The following LAMA5 variants were observed in gnomAD, a reference collection of about 807,000 sequenced individuals.
The protein encoded by LAMA5 is laminin subunit alpha-5.
A neutral mutation model predicts 433.4 loss-of-function variants in LAMA5; 260 were observed. The ratio of observed to expected loss-of-function variants is 0.60; its 90% CI spans 0.54 to 0.66. LAMA5 has a LOEUF of 0.66. Among genes scored for constraint, LAMA5 ranks in the 30% least tolerant of loss-of-function variants. The pLI, the probability that LAMA5 is intolerant of heterozygous loss-of-function variation, is 0.00. For synonymous variants in LAMA5, 2,620 were observed against 2,226.6 expected (o/e 1.18, Z -4.97); for missense variants, 5,378 against 5,258.5 (o/e 1.02, Z -0.70).
chr20:62,331,056 C>T lies in LAMA5; in HGVS notation c.3626G>A (p.Ser1209Asn), dbSNP rs1292507687. The T allele has an allele frequency of 7.5e-6, 12 of 1,603,074 alleles. No homozygotes were observed. The highest frequency in any genetic ancestry group is 1.7e-5 in the Admixed American group (1 of 58,610). The change falls in exon 29 of 80, where the codon AGC becomes AAC. Residue 1209 changes from serine to asparagine, a missense_variant. By Grantham distance (46) the Ser-to-Asn change is conservative (BLOSUM62 1). Coordinates refer to ENST00000252999, the MANE Select transcript of LAMA5 (RefSeq NM_005560.6). ...FVEPRVSCIS[S>N]HGAFGPNSAA... ...CCTGTTGGGGCCAAAGGCGCCGTGG[C>T]TGCTGATGCAGCTGACCCGGGGCTC... is the stretch of plus-strand genomic sequence containing the variant.
intron 6 of LAMA5, among the ~76,000 whole-genome samples, chr20:62,349,820 CGGTGATGGTGGGGGTGATGAT>C: frequency 1.6e-4 from 1 of 6,068 alleles, no homozygotes; most frequent in African/African-American, 3.7e-4. Context: ...GGGGTGATGA[CGGTGATGGTGGGGGTGATGAT>C]GGTGGGAGTG....
Position 62,311,650 on chromosome 20 carries a change from T to C in LAMA5, c.9770A>G (p.Asn3257Ser), listed in dbSNP as rs1346604531. Residue 3257 changes from asparagine (N) to serine (S), a missense_variant, in exon 71 of 80, where the codon AAC becomes AGC. Physicochemically the swap from Asn to Ser is conservative, Grantham distance 46. Transcript: ENST00000252999. Reference protein sequence around the residue: ...GGLPESGTIYNFSGCISNVFV... With the variant: ...GGLPESGTIYSFSGCISNVFV... Reference sequence around the variant, plus strand: ...GACGTTGCTGATGCAGCCACTGAAGTTGTAAATGGTGCCAGACTCAGGCAG... The same window carrying C: ...GACGTTGCTGATGCAGCCACTGAAGCTGTAAATGGTGCCAGACTCAGGCAG... 6.2e-7 allele frequency: 1 copy of C among 1,600,998 alleles called. No homozygotes were observed. Among genetic ancestry groups the C allele is most frequent in the Non-Finnish European group, 8.5e-7 (1 of 1,175,026 alleles).
intron 19 of LAMA5, 43 bp downstream of exon 19, chr20:62,335,174 C>T: frequency 6.2e-7 from 1 of 1,612,482 alleles, no homozygotes; most frequent in Non-Finnish European, 8.5e-7. Flanking sequence ...GGGTCCTGAC[C>T]AGTGTGCCCC....
At position 62,320,254 on chromosome 20, in the gene LAMA5, G is replaced by A. The variant is rs543376070; in HGVS notation, c.6759+305C>T. On this transcript the variant is annotated intron_variant, in intron 50 of 79. Transcript: ENST00000252999. ...AATCGCTTGAACCCGGGAGGCAGAG[G>A]TTATGGTAAGCCGAGATCGAGCCAT... Among the ~76,000 whole-genome samples, 18 of 134,110 alleles carry A rather than the reference G, an allele frequency of 1.3e-4. No homozygotes were observed. In the South Asian group the frequency reaches 4.3e-3, roughly 32 times the overall value. 88.0% of individuals were successfully genotyped at this position (134,110 alleles called of 152,430 possible). A position where few individuals can be genotyped will look rare whatever the true frequency, so the allele number is the denominator to read the frequency against.
chr20:62,336,299 C>T lies in LAMA5; in HGVS notation c.2323+41G>A, dbSNP rs755711373. On this transcript the variant is annotated intron_variant, in intron 18 of 79. Transcript: ENST00000252999. The stretch of plus-strand genomic sequence containing the variant: ...AGGATATACTTGTGGGCACAGTTCC[C>T]CAAGGAACCCCTGTACCCCAATACT... The T allele has an allele frequency of 2.0e-5, 28 of 1,424,528 alleles. No homozygotes were observed. In the Admixed American group the frequency reaches 5.7e-4, roughly 29 times the overall value. 88.2% of individuals were successfully genotyped at this position (1,424,528 alleles called of 1,614,324 possible).
chr20:62,334,718 G>A (rs1469472996), intron 20 of LAMA5, 97 bp from the exon 21 acceptor site: 10 of 997,662 alleles, frequency 1.0e-5, no homozygotes, highest in Non-Finnish European at 1.4e-5. Flanking sequence ...GGGGCTCTCT[G>A]GATGATGGAG....
At position 62,325,433 on chromosome 20, in the gene LAMA5, C is replaced by T. The variant is rs574765548; in HGVS notation, c.5412G>A (p.Ser1804=). Residue 1804 remains serine (S), a synonymous_variant, in exon 41 of 80, where the codon TCG becomes TCA. Transcript: ENST00000252999. ...GTGCCACCCTGCGCAGGAAGACAGC[C>T]GAGGAGATCTGTGAGAAGAGGGCAC... ...QIRALFSQIS[S]AVFLRRVALE... 3.8e-5 allele frequency: 61 copies of T among 1,612,478 alleles called. No homozygotes were observed. In the East Asian group the frequency reaches 5.8e-4, roughly 15 times the overall value.
chr20:62,318,706 C>T (rs572945704), intron 52 of LAMA5, 56 bp from the exon 53 acceptor site: 4 of 1,588,048 alleles, frequency 2.5e-6, no homozygotes, highest in Admixed American at 3.4e-5. Flanking sequence ...CTTCATGACC[C>T]CTGGTCTCCA....
At position 62,352,230 on chromosome 20, in the gene LAMA5, TC is replaced by T; in HGVS notation, c.687+11del. ...TCCAGCCCCCGTACCGCCCTGCCCC[TC>T]CCCGGCCCACCTCTCCGTTCTCCAG... is the stretch of plus-strand genomic sequence containing the variant. On this transcript the variant is annotated intron_variant, in intron 4 of 79. Coordinates refer to ENST00000252999, the MANE Select transcript of LAMA5 (RefSeq NM_005560.6). The T allele has an allele frequency of 6.3e-7, 1 of 1,584,006 alleles. No homozygotes were observed.
chr20:62,312,125 CCGA>C (rs769708002), intron 69 of LAMA5, 45 bp downstream of exon 69: 1 of 1,609,458 alleles, frequency 6.2e-7, no homozygotes, highest in East Asian at 2.2e-5. Context: ...CCCAACTGCT[CCGA>C]CGGCCACCGC....
chr20:62,322,826 C>A, intron 45 of LAMA5, 68 bp from the exon 46 acceptor site: 2 of 1,030,484 alleles, frequency 1.9e-6, no homozygotes, highest in South Asian at 1.7e-5. Context: ...TAGGCACCCT[C>A]CTAAGCCCTC....
At chr20:62,335,796 G>C (rs1265599151) in intron 18 of LAMA5, among the ~76,000 whole-genome samples, 1 of 101,042 alleles carries the variant, frequency 9.9e-6, no homozygotes, top group Non-Finnish European at 2.1e-5. Flanking sequence ...GTCCCACGCA[G>C]GAACCCCCTG....
At chr20:62,353,282 G>C (rs1433049309) in intron 2 of LAMA5, 31 bp from the exon 3 acceptor site, 1 of 1,491,954 alleles carries the variant, frequency 6.7e-7, no homozygotes, top group South Asian at 1.2e-5. Flanking sequence ...AGGGGAGCCA[G>C]GGGCGCCTGG....
intron 6 of LAMA5, among the ~76,000 whole-genome samples, chr20:62,347,252 A>G (rs531902448): frequency 5.8e-4 from 89 of 152,236 alleles, no homozygotes; most frequent in African/African-American, 2.1e-3. Context: ...CAGGGAATGG[A>G]CACAAGGAAA....
rs367898826 is a variant in LAMA5 at position 62,338,300 on chromosome 20, C to A, written c.1688G>T (p.Arg563Leu). Residue 563 changes from arginine to leucine, a missense_variant, in exon 13 of 80, where the codon CGA becomes CTA. Physicochemically the swap from Arg to Leu is moderately radical, Grantham distance 102 (BLOSUM62 -2). Coordinates refer to ENST00000252999, the MANE Select transcript of LAMA5 (RefSeq NM_005560.6). Reference protein sequence around the residue: ...CDPDTGQCRCRVGFEGATCDR... With the variant: ...CDPDTGQCRCLVGFEGATCDR... ...ACATGTGGCCCCCTCGAAGCCCACT[C>A]GGCACCTGCACTGGCCTGTGTCAGG... 3.1e-6 allele frequency: 5 copies of A among 1,603,908 alleles called. No individual in the cohort carries two copies. The highest frequency in any genetic ancestry group is 1.1e-5 in the South Asian group (1 of 89,704).
At chr20:62,328,544 G>C in intron 34 of LAMA5, 99 bp from the exon 35 acceptor site, 1 of 1,278,244 alleles carries the variant, frequency 7.8e-7, no homozygotes, top group Non-Finnish European at 1.0e-6. Flanking sequence ...TGTGACGGGG[G>C]CGGGGGAGAC....
At chr20:62,352,206 C>G in intron 4 of LAMA5, 36 bp downstream of exon 4, 1 of 1,570,866 alleles carries the variant, frequency 6.4e-7, no homozygotes, top group South Asian at 1.1e-5. Flanking sequence ...TCTCCGTTCT[C>G]CAGCCCCCGT....
intron 41 of LAMA5, 149 bp downstream of exon 41, chr20:62,325,167 C>T: frequency 1.6e-6 from 1 of 613,022 alleles, no homozygotes; most frequent in South Asian, 2.1e-5. Context: ...CATGAGTTGG[C>T]CAGCAGCCTG....
intron 2 of LAMA5, among the ~76,000 whole-genome samples, chr20:62,361,696 C>T (rs1029431467): frequency 1.3e-5 from 2 of 152,248 alleles, no homozygotes; most frequent in East Asian, 3.9e-4. Flanking sequence ...CACCACTGTC[C>T]CTGACCTAAG....
Sources: allele counts gnomAD v4.1 joint callset (sites outside exome capture counted in the v4.1 genomes callset), GRCh38; gene constraint gnomAD v4.1.1; transcripts MANE v1.5; gene names NCBI Gene and HGNC (gene_info 2026-07-23, HGNC 2026-07-21).